The following MCTP1 variants were observed in gnomAD, a reference collection of about 807,000 sequenced individuals.
MCTP1 encodes multiple C2 and transmembrane domain-containing protein 1.
A neutral mutation model predicts 120.6 loss-of-function variants in MCTP1; 69 were observed. That is an observed-to-expected ratio of 0.57 (90% CI 0.47 to 0.70). The LOEUF is 0.70. MCTP1 is among the 30% of genes least tolerant of loss of function. The pLI is 0.00. For missense variants in MCTP1, 1,203 were observed against 1,248.8 expected, an observed-to-expected ratio of 0.96 and a Z score of 0.55; for synonymous variants, 529 against 493.1, an observed-to-expected ratio of 1.07 and a Z score of -0.96.
intron 19 of MCTP1, among the ~76,000 whole-genome samples, chr5:94,770,243 G>A (rs1272763908): frequency 2.0e-5 from 3 of 152,218 alleles, no homozygotes; most frequent in African/African-American, 7.2e-5. Flanking sequence ...CTCTGCCAGC[G>A]ATCCTGAAAA....
intron 1 of MCTP1, among the ~76,000 whole-genome samples, chr5:95,259,106 G>T (rs1359412784): frequency 6.6e-6 from 1 of 152,052 alleles, no homozygotes; most frequent in African/African-American, 2.4e-5. Context: ...TCATCAACTG[G>T]GTAGCCACTA....
intron 1 of MCTP1, among the ~76,000 whole-genome samples, chr5:95,144,466 A>G (rs1760204963): frequency 6.6e-6 from 1 of 152,130 alleles, no homozygotes; most frequent in South Asian, 2.1e-4. Flanking sequence ...AGACTTAGCC[A>G]TCAATTATTT....
At chr5:95,238,593 C>T (rs1755814919) in intron 1 of MCTP1, among the ~76,000 whole-genome samples, 1 of 152,116 alleles carries the variant, frequency 6.6e-6, no homozygotes, top group Non-Finnish European at 1.5e-5. Flanking sequence ...GAGGTTGGAC[C>T]ACAGGCACAC....
At chr5:95,181,850 C>T (rs1452084867) in intron 1 of MCTP1, among the ~76,000 whole-genome samples, 1 of 152,136 alleles carries the variant, frequency 6.6e-6, no homozygotes, top group African/African-American at 2.4e-5. Context: ...CTCCTTTCAC[C>T]ATCCGTTAGT....
At chr5:95,008,028 C>G (rs1317382016) in intron 2 of MCTP1, among the ~76,000 whole-genome samples, 1 of 152,122 alleles carries the variant, frequency 6.6e-6, no homozygotes, top group Non-Finnish European at 1.5e-5. Flanking sequence ...TCTACCCTGC[C>G]TAAACTTTGC....
intron 17 of MCTP1, among the ~76,000 whole-genome samples, chr5:94,832,915 T>G (rs1387279555): frequency 6.6e-6 from 1 of 152,194 alleles, no homozygotes; most frequent in Non-Finnish European, 1.5e-5. Context: ...GGCAAACAGT[T>G]CACTGTAGCT....
At position 94,724,596 on chromosome 5, in the gene MCTP1, A is replaced by G. The variant is rs1041413559; in HGVS notation, c.2611-9710T>C. The stretch of plus-strand genomic sequence containing the variant: ...GCAAATATAGTCAGCCCTCCACACA[A>G]TGGGTTTGCATCCATCGATTTGACC... On this transcript the variant is annotated intron_variant, in intron 19 of 22. Coordinates refer to ENST00000515393, the MANE Select transcript of MCTP1 (RefSeq NM_024717.7). 3.9e-5 allele frequency among the ~76,000 whole-genome samples: 6 copies of G among 152,132 alleles called. No homozygotes were observed. The South Asian group carries it at 8.3e-4, about 21-fold the overall frequency.
rs762304293 is a variant in MCTP1, at chr5:94,940,229, A to T, written c.1062-34T>A. The T allele has an allele frequency of 1.9e-5, 24 of 1,246,838 alleles. 1 individual carries two copies. The highest frequency in any genetic ancestry group is 4.6e-6 in the Non-Finnish European group (4 of 878,394). 77.2% of individuals were successfully genotyped at this position (1,246,838 alleles called of 1,614,324 possible). A position where few individuals can be genotyped will look rare whatever the true frequency, so the allele number is the denominator to read the frequency against. On this transcript the variant is annotated intron_variant, in intron 4 of 22. Coordinates refer to ENST00000515393, the MANE Select transcript of MCTP1 (RefSeq NM_024717.7). The stretch of plus-strand genomic sequence containing the variant: ...GAAAATATTTAGATTTTGAACAGTC[A>T]TTAAATGAATAAGCCAAATATATTT...
chr5:94,902,295 C>G (rs940085853), intron 10 of MCTP1, among the ~76,000 whole-genome samples: 1 of 152,110 alleles, frequency 6.6e-6, no homozygotes, highest in African/African-American at 2.4e-5. Context: ...ATATAGCTCA[C>G]AAAGCAGTGG....
At chr5:94,803,776 A>G (rs948368240) in intron 17 of MCTP1, among the ~76,000 whole-genome samples, 1 of 152,192 alleles carries the variant, frequency 6.6e-6, no homozygotes. Flanking sequence ...AATGAGTGCC[A>G]CTTTCAGTTT....
At chr5:94,980,491 T>C (rs936618449) in intron 2 of MCTP1, among the ~76,000 whole-genome samples, 3 of 152,148 alleles carry the variant, frequency 2.0e-5, no homozygotes, top group Admixed American at 2.0e-4. Context: ...GAATTTCCTT[T>C]TGAAATTCAA....
chr5:94,925,276 C>T lies in MCTP1; in HGVS notation c.1213-1255G>A, dbSNP rs577763931. On this transcript the variant is annotated intron_variant, in intron 6 of 22. Transcript: ENST00000515393. ...CTAAACAGAAGTGGTGATTGTATTACGGAGAACAAGAAAAACAGCATAAAC... is the reference window on the plus strand; with the variant it reads ...CTAAACAGAAGTGGTGATTGTATTATGGAGAACAAGAAAAACAGCATAAAC... 3.9e-5 allele frequency among the ~76,000 whole-genome samples: 6 copies of T among 152,200 alleles called. No individual in the cohort carries two copies. The East Asian group carries it at 5.8e-4, about 15-fold the overall frequency.
At chr5:94,904,854 G>A (rs1056563419) in intron 10 of MCTP1, among the ~76,000 whole-genome samples, 1 of 152,146 alleles carries the variant, frequency 6.6e-6, no homozygotes, top group African/African-American at 2.4e-5. Flanking sequence ...CCAGATACTT[G>A]TTTAGGTATG....
intron 2 of MCTP1, among the ~76,000 whole-genome samples, chr5:95,000,037 C>A (rs940130696): frequency 6.6e-6 from 1 of 152,120 alleles, no homozygotes; most frequent in African/African-American, 2.4e-5. Context: ...CAATCATGCA[C>A]CACATAATGA....
At chr5:95,259,926 G>A (rs191712387) in intron 1 of MCTP1, among the ~76,000 whole-genome samples, 1 of 152,266 alleles carries the variant, frequency 6.6e-6, no homozygotes, top group Non-Finnish European at 1.5e-5. Flanking sequence ...TTACAAAATC[G>A]AATGGCATTA....
intron 9 of MCTP1, 50 bp downstream of exon 9, chr5:94,912,756 C>G: frequency 7.0e-7 from 1 of 1,437,432 alleles, no homozygotes; most frequent in Non-Finnish European, 9.2e-7. Context: ...GGCTATTAAC[C>G]AACCAATGCC....
chr5:95,248,055 C>T (rs1756998644), intron 1 of MCTP1, among the ~76,000 whole-genome samples: 1 of 152,150 alleles, frequency 6.6e-6, no homozygotes, highest in African/African-American at 2.4e-5. Flanking sequence ...GACAAAACTA[C>T]AGCCAATATT....
At chr5:94,979,422 C>A (rs1828906688) in intron 2 of MCTP1, 1 of 152,100 alleles carries the variant, frequency 6.6e-6, no homozygotes, top group African/African-American at 2.4e-5. Context: ...GGGACTTTGA[C>A]TGTTTCTCTT....
intron 19 of MCTP1, among the ~76,000 whole-genome samples, chr5:94,767,972 C>A (rs796145718): frequency 4.6e-5 from 7 of 152,228 alleles, no homozygotes; most frequent in African/African-American, 1.7e-4. Flanking sequence ...AAGAACAAAG[C>A]TGAAGACATC....
Sources: allele counts gnomAD v4.1 joint callset (sites outside exome capture counted in the v4.1 genomes callset), GRCh38; gene constraint gnomAD v4.1.1; transcripts MANE v1.5; gene names NCBI Gene and HGNC (gene_info 2026-07-23, HGNC 2026-07-21).